Variants in FGF12 observed in about 807,000 individuals in gnomAD.
FGF12 encodes the protein fibroblast growth factor 12.
Under a neutral mutation model 23.6 loss-of-function variants are expected in FGF12, and 14 were observed. The ratio of observed to expected loss-of-function variants is 0.59; its 90% CI spans 0.39 to 0.93. The LOEUF (loss-of-function observed/expected upper bound fraction) is 0.93. FGF12 is among the 40% of genes least tolerant of loss of function. FGF12 has a pLI of 0.00. For missense variants in FGF12, 175 were observed against 217.8 expected, an observed-to-expected ratio of 0.80 and a Z score of 1.24; for synonymous variants, 62 against 77.3, an observed-to-expected ratio of 0.80 and a Z score of 1.04.
At chr3:192,280,965 A>G (rs952925599) in intron 4 of FGF12, among the ~76,000 whole-genome samples, 2 of 152,118 alleles carry the variant, frequency 1.3e-5, no homozygotes, top group African/African-American at 4.8e-5. Flanking sequence ...AGGATTTGAC[A>G]AGAGAAATGC....
intron 2 of FGF12, among the ~76,000 whole-genome samples, chr3:192,479,626 T>C (rs574193272): frequency 1.5e-4 from 23 of 152,138 alleles, no homozygotes; most frequent in Admixed American, 1.2e-3. Context: ...GGGAGAAAAA[T>C]AGCAGCATGA....
At chr3:192,309,765 CAT>C (rs1011300610) in intron 4 of FGF12, among the ~76,000 whole-genome samples, 4 of 152,072 alleles carry the variant, frequency 2.6e-5, no homozygotes, top group African/African-American at 9.7e-5. Flanking sequence ...GAAAGGAAAA[CAT>C]GTCATAAAAG....
chr3:192,551,013 A>G (rs1461549454), intron 2 of FGF12, among the ~76,000 whole-genome samples: 1 of 152,174 alleles, frequency 6.6e-6, no homozygotes, highest in South Asian at 2.1e-4. Context: ...AAATAAAAAC[A>G]ACACTTCTGC....
chr3:192,240,933 C>A (rs1052545678), intron 4 of FGF12, among the ~76,000 whole-genome samples: 1 of 151,956 alleles, frequency 6.6e-6, no homozygotes, highest in Non-Finnish European at 1.5e-5. Flanking sequence ...TAAGAACAAG[C>A]CAATTACGAG....
At chr3:192,406,734 C>G (rs1032140023) in intron 2 of FGF12, among the ~76,000 whole-genome samples, 1 of 152,144 alleles carries the variant, frequency 6.6e-6, no homozygotes, top group African/African-American at 2.4e-5. Context: ...GAAAACCCAA[C>G]GGAAAATGAA....
At chr3:192,518,839 C>T (rs1013392510) in intron 2 of FGF12, among the ~76,000 whole-genome samples, 1 of 152,046 alleles carries the variant, frequency 6.6e-6, no homozygotes, top group African/African-American at 2.4e-5. Context: ...TTTAAAATTT[C>T]TCTTCTTCCT....
intron 5 of FGF12, among the ~76,000 whole-genome samples, chr3:192,167,451 G>A (rs974449964): frequency 2.9e-4 from 44 of 151,882 alleles, no homozygotes; most frequent in Admixed American, 2.6e-3. Flanking sequence ...GCAAAACACT[G>A]GGAGAGAGGT....
chr3:192,484,065 G>A (rs1209625397), intron 2 of FGF12, among the ~76,000 whole-genome samples: 1 of 152,106 alleles, frequency 6.6e-6, no homozygotes, highest in African/African-American at 2.4e-5. Context: ...TTGGGGAACT[G>A]ATTTTATCCC....
At chr3:192,538,925 G>T (rs146317165) in intron 2 of FGF12, among the ~76,000 whole-genome samples, 15 of 152,106 alleles carry the variant, frequency 9.9e-5, no homozygotes, top group Middle Eastern at 6.8e-3. Flanking sequence ...TTGCTTTCTT[G>T]ATTTCTTTTT....
chr3:192,484,114 T>C (rs1345469106), intron 2 of FGF12, among the ~76,000 whole-genome samples: 2 of 152,130 alleles, frequency 1.3e-5, no homozygotes, highest in East Asian at 3.9e-4. Context: ...CCCAGTTAAG[T>C]AGATGAAATA....
In FGF12 at chr3:192,369,940, A is replaced by G. The variant is rs1330296699; in HGVS notation, c.14-9402T>C. Among the ~76,000 whole-genome samples, 4 of 152,228 alleles carry G rather than the reference A, an allele frequency of 2.6e-5. No individual in the cohort carries two copies. In the East Asian group the frequency reaches 7.7e-4, roughly 29 times the overall value. On this transcript the variant is annotated intron_variant, in intron 2 of 5. Coordinates refer to ENST00000445105, the MANE Select transcript of FGF12 (RefSeq NM_004113.6). ...TTCTGGGACAAGAAACAGTTGAAAA[A>G]AGCTTTAAAGATGAAGTACCACTTT...
intron 4 of FGF12, among the ~76,000 whole-genome samples, chr3:192,223,046 G>T (rs1718554949): frequency 6.6e-6 from 1 of 152,084 alleles, no homozygotes; most frequent in Admixed American, 6.6e-5. Flanking sequence ...TTAGTAAAGT[G>T]AATTTAAAAT....
chr3:192,224,477 T>C (rs1490408097), intron 4 of FGF12, among the ~76,000 whole-genome samples: 1 of 152,144 alleles, frequency 6.6e-6, no homozygotes, highest in Non-Finnish European at 1.5e-5. Flanking sequence ...CTGCATCTCT[T>C]AGATCTGCCA....
chr3:192,685,059 C>CT (rs948791755), intron 2 of FGF12, among the ~76,000 whole-genome samples: 34 of 149,236 alleles, frequency 2.3e-4, no homozygotes, highest in Admixed American at 7.4e-4. Flanking sequence ...AAGTTAGTAT[C>CT]TTTTTTTTTT....
At chr3:192,309,428 G>A (rs887657989) in intron 4 of FGF12, among the ~76,000 whole-genome samples, 1 of 152,174 alleles carries the variant, frequency 6.6e-6, no homozygotes, top group Non-Finnish European at 1.5e-5. Flanking sequence ...GGGTGATGGG[G>A]GTGAGAGAGT....
chr3:192,187,887 G>A (rs534553736), intron 4 of FGF12, among the ~76,000 whole-genome samples: 2 of 152,156 alleles, frequency 1.3e-5, no homozygotes, highest in Non-Finnish European at 2.9e-5. Context: ...AGTTTTCCTC[G>A]ACATGGGGGG....
intron 4 of FGF12, among the ~76,000 whole-genome samples, chr3:192,277,996 C>T (rs1444944474): frequency 6.7e-6 from 1 of 149,482 alleles, no homozygotes; most frequent in African/African-American, 2.4e-5. Flanking sequence ...CTCCTGACCT[C>T]GTGATCCACC....
chr3:192,219,427 G>A (rs1398310190), intron 4 of FGF12, among the ~76,000 whole-genome samples: 1 of 152,090 alleles, frequency 6.6e-6, no homozygotes, highest in Non-Finnish European at 1.5e-5. Flanking sequence ...AGTGGTTTTT[G>A]GCCTGGCTGC....
intron 4 of FGF12, among the ~76,000 whole-genome samples, chr3:192,315,659 T>C (rs1716189959): frequency 6.6e-6 from 1 of 152,194 alleles, no homozygotes; most frequent in African/African-American, 2.4e-5. Context: ...CATTCAAATA[T>C]GAAAACTACT....
Sources: gnomAD v4.1 joint callset for allele counts (sites outside exome capture counted in the v4.1 genomes callset) on GRCh38, gnomAD v4.1.1 for gene constraint, MANE v1.5 for transcripts, NCBI Gene and HGNC (gene_info 2026-07-23, HGNC 2026-07-21) for gene names.